Variants in SLC16A10 observed in about 807,000 individuals in gnomAD.
SLC16A10 encodes the protein monocarboxylate transporter 10.
Under a neutral mutation model 40.0 loss-of-function variants are expected in SLC16A10, and 27 were observed. The observed-to-expected ratio is 0.67, with a 90% CI of 0.50 to 0.93. The LOEUF (loss-of-function observed/expected upper bound fraction) is 0.93, where lower values mean the gene tolerates loss of function less well. SLC16A10 is among the 40% of genes least tolerant of loss of function. The pLI is 0.00. For missense variants in SLC16A10, 529 were observed against 658.2 expected, an observed-to-expected ratio of 0.80 and a Z score of 2.15; for synonymous variants, 213 against 249.8, an observed-to-expected ratio of 0.85 and a Z score of 1.39.
chr6:111,131,742 T>C (rs908111837), intron 1 of SLC16A10, among the ~76,000 whole-genome samples: 2 of 152,194 alleles, frequency 1.3e-5, no homozygotes, highest in South Asian at 2.1e-4. Context: ...CTGGGGAAGC[T>C]GAGGGCCGAC....
chr6:111,175,586 G>A (rs1483249430), intron 2 of SLC16A10, among the ~76,000 whole-genome samples: 1 of 152,156 alleles, frequency 6.6e-6, no homozygotes, highest in African/African-American at 2.4e-5. Flanking sequence ...CTACTTAGGT[G>A]GAAAAACTGA....
intron 1 of SLC16A10, among the ~76,000 whole-genome samples, chr6:111,151,763 T>A (rs972045670): frequency 6.6e-6 from 1 of 152,258 alleles, no homozygotes; most frequent in Non-Finnish European, 1.5e-5. Flanking sequence ...ATTTTGCATA[T>A]GCTATTCCCT....
intron 2 of SLC16A10, among the ~76,000 whole-genome samples, chr6:111,175,406 A>ATG (rs1772661128): frequency 6.6e-6 from 1 of 152,230 alleles, no homozygotes; most frequent in Non-Finnish European, 1.5e-5. Context: ...CAGTACAGTG[A>ATG]TACCACTGTA....
At chr6:111,158,805 G>T (rs902997264) in intron 1 of SLC16A10, among the ~76,000 whole-genome samples, 2 of 152,208 alleles carry the variant, frequency 1.3e-5, no homozygotes, top group South Asian at 4.1e-4. Flanking sequence ...AAAGATGTAG[G>T]CTGGTCACAG....
chr6:111,222,328 T>A lies in SLC16A10; in HGVS notation c.*93T>A, dbSNP rs527604049. On this transcript the variant is annotated 3_prime_UTR_variant, in exon 6 of 6. Transcript: ENST00000368851. ...ACAAATTGCAAATTTCATATTTTTT[T>A]AATCACATCCTAGGAATAGCACAAT... The A allele has an allele frequency of 8.4e-4, 1,216 of 1,452,536 alleles. No homozygotes were observed. The highest frequency in any genetic ancestry group is 1.0e-3 in the Non-Finnish European group (1,138 of 1,103,286). 90.0% of individuals were successfully genotyped at this position (1,452,536 alleles called of 1,614,324 possible).
chr6:111,215,246 A>G (rs1773401980), intron 4 of SLC16A10, among the ~76,000 whole-genome samples: 2 of 152,304 alleles, frequency 1.3e-5, no homozygotes, highest in South Asian at 4.1e-4. Flanking sequence ...GCCAAGTTCC[A>G]AGACTCATGT....
intron 1 of SLC16A10, among the ~76,000 whole-genome samples, chr6:111,127,570 A>G (rs1344603152): frequency 6.6e-6 from 1 of 152,224 alleles, no homozygotes; most frequent in African/African-American, 2.4e-5. Flanking sequence ...ATAATGGTAT[A>G]GAAGAAATAT....
chr6:111,157,101 T>C (rs1309265302), intron 1 of SLC16A10, among the ~76,000 whole-genome samples: 1 of 151,204 alleles, frequency 6.6e-6, no homozygotes, highest in African/African-American at 2.4e-5. Flanking sequence ...ATATTTTTAG[T>C]AGAGATGGGG....
At chr6:111,157,017 C>G (rs1393389536) in intron 1 of SLC16A10, among the ~76,000 whole-genome samples, 1 of 152,194 alleles carries the variant, frequency 6.6e-6, no homozygotes, top group African/African-American at 2.4e-5. Context: ...CTCCTGGTCT[C>G]AAGCGATTCT....
chr6:111,184,730 C>T (rs1345445314), intron 3 of SLC16A10, among the ~76,000 whole-genome samples: 1 of 152,188 alleles, frequency 6.6e-6, no homozygotes, highest in Non-Finnish European at 1.5e-5. Context: ...ATCTGTCTGC[C>T]TCGGCCTCCC....
At chr6:111,173,057 C>A (rs1462726273) in intron 2 of SLC16A10, among the ~76,000 whole-genome samples, 1 of 152,096 alleles carries the variant, frequency 6.6e-6, no homozygotes, top group Non-Finnish European at 1.5e-5. Flanking sequence ...ACTTAGACAT[C>A]AATCAGGATA....
intron 3 of SLC16A10, among the ~76,000 whole-genome samples, chr6:111,199,827 T>A (rs354534): frequency 0.46 from 67,780 of 148,804 alleles, 17,501 homozygotes; most frequent in East Asian, 0.67. Flanking sequence ...CAGGGAAATT[T>A]AAAAAAAAAA....
intron 1 of SLC16A10, among the ~76,000 whole-genome samples, chr6:111,138,439 A>G (rs1771920719): frequency 1.3e-5 from 2 of 152,234 alleles, no homozygotes; most frequent in African/African-American, 4.8e-5. Flanking sequence ...GTTATATTTG[A>G]TAAGTGAATC....
chr6:111,172,088 T>C (rs1249405149), intron 1 of SLC16A10, among the ~76,000 whole-genome samples: 2 of 152,230 alleles, frequency 1.3e-5, no homozygotes, highest in Non-Finnish European at 2.9e-5. Context: ...ATATACACTT[T>C]CTCTAATCTT....
rs1770990475 is a variant in SLC16A10, at chr6:111,226,133, A to G, written c.*3898A>G. 6.6e-6 allele frequency: 1 copy of G among 152,240 alleles called. No individual in the cohort carries two copies. Among genetic ancestry groups the G allele is most frequent in the South Asian group, 2.1e-4 (1 of 4,834 alleles). The allele number at this position is 152,240 out of a possible 1,614,324, so 9.4% of individuals were successfully genotyped here. A position where few individuals can be genotyped will look rare whatever the true frequency, so the allele number is the denominator to read the frequency against. ...CATACAAATTAGTATCTTTTATGCT[A>G]ACATTTAAAACTGTATTTAAATTTT... On this transcript the variant is annotated 3_prime_UTR_variant, in exon 6 of 6. Coordinates refer to ENST00000368851, the MANE Select transcript of SLC16A10 (RefSeq NM_018593.5).
At chr6:111,131,164 C>T (rs57319027) in intron 1 of SLC16A10, among the ~76,000 whole-genome samples, 1,848 of 152,322 alleles carry the variant, frequency 0.012, 26 homozygotes, top group African/African-American at 0.043. Context: ...TTGCTGCCAT[C>T]GCAGACCCGC....
intron 4 of SLC16A10, among the ~76,000 whole-genome samples, chr6:111,215,325 A>G (rs1773402969): frequency 6.6e-6 from 1 of 151,408 alleles, no homozygotes; most frequent in Admixed American, 6.6e-5. Flanking sequence ...CAAGTACTGT[A>G]CTAGGCTTCC....
At chr6:111,191,805 G>A (rs926646730) in intron 3 of SLC16A10, among the ~76,000 whole-genome samples, 2 of 152,020 alleles carry the variant, frequency 1.3e-5, no homozygotes, top group Non-Finnish European at 2.9e-5. Flanking sequence ...TTTGTTGGCT[G>A]CAAAAATGTC....
At chr6:111,156,935 T>C (rs1185457073) in intron 1 of SLC16A10, among the ~76,000 whole-genome samples, 1 of 152,224 alleles carries the variant, frequency 6.6e-6, no homozygotes, top group Admixed American at 6.5e-5. Flanking sequence ...TTATTTTATT[T>C]TGAGACGGAG....
Sources: gnomAD v4.1 joint callset for allele counts (sites outside exome capture counted in the v4.1 genomes callset) on GRCh38, gnomAD v4.1.1 for gene constraint, MANE v1.5 for transcripts, NCBI Gene and HGNC (gene_info 2026-07-23, HGNC 2026-07-21) for gene names.